Variants in MYLK4 observed in about 807,000 individuals in gnomAD.
MYLK4 encodes myosin light chain kinase family member 4.
In MYLK4, 46 loss-of-function variants were observed where a neutral mutation model predicts 48.1. That is an observed-to-expected ratio of 0.96 (90% CI 0.75 to 1.22). The LOEUF (loss-of-function observed/expected upper bound fraction) is 1.22, where lower values mean the gene tolerates loss of function less well. Ranked by LOEUF, MYLK4 falls within the 50% of genes most tolerant of loss-of-function variation. MYLK4 has a pLI of 0.00. For missense variants in MYLK4, 451 were observed against 486.1 expected, an observed-to-expected ratio of 0.93 and a Z score of 0.68; for synonymous variants, 170 against 180.8, an observed-to-expected ratio of 0.94 and a Z score of 0.48.
At chr6:2,680,194 C>T (rs371292621) in intron 8 of MYLK4, 27 bp downstream of exon 8, 86 of 1,612,552 alleles carry the variant, frequency 5.3e-5, no homozygotes, top group Admixed American at 1.8e-4. Flanking sequence ...CAGCTCCATT[C>T]GTACACCTAT....
chr6:2,676,290 T>G (rs564358902), intron 10 of MYLK4, among the ~76,000 whole-genome samples: 1 of 152,270 alleles, frequency 6.6e-6, no homozygotes, highest in African/African-American at 2.4e-5. Flanking sequence ...ATTACATCAA[T>G]GAACTTGGTG....
chr6:2,664,262 G>C lies in MYLK4; in HGVS notation c.*3663C>G, dbSNP rs1464585042. The stretch of plus-strand genomic sequence containing the variant: ...AAGAAGTAAAAAAATGTAAAAGAGA[G>C]TGCAAAAGCAAAGGCGAAGCTTTGT... On this transcript the variant is annotated 3_prime_UTR_variant, in exon 13 of 13. Transcript: ENST00000274643. 1.3e-5 allele frequency: 2 copies of C among 152,236 alleles called. No individual in the cohort carries two copies. Among genetic ancestry groups the C allele is most frequent in the Non-Finnish European group, 2.9e-5 (2 of 68,052 alleles). 9.4% of individuals were successfully genotyped at this position (152,236 alleles called of 1,614,324 possible).
At chr6:2,762,983 A>T in the MYLK4 span, among the ~76,000 whole-genome samples, 16 of 150,470 alleles carry the variant, frequency 1.1e-4, no homozygotes, top group Admixed American at 4.6e-4. Context: ...AAAAGAACAA[A>T]ACACCCACAC....
the MYLK4 span, chr6:2,765,855 C>T: frequency 6.3e-6 from 9 of 1,423,136 alleles, no homozygotes; most frequent in African/African-American, 1.5e-5. Flanking sequence ...TCGGAGAGCT[C>T]GGCGCTGAAG....
chr6:2,719,024 G>C (rs111856450), intron 2 of MYLK4, among the ~76,000 whole-genome samples: 1 of 152,186 alleles, frequency 6.6e-6, no homozygotes, highest in Non-Finnish European at 1.5e-5. Context: ...CCATCCCACT[G>C]ACATTACTTT....
chr6:2,674,555 A>ATT (rs1761011988), intron 11 of MYLK4, among the ~76,000 whole-genome samples: 2 of 152,352 alleles, frequency 1.3e-5, no homozygotes, highest in South Asian at 4.1e-4. Context: ...CAAATACATT[A>ATT]TTTTTAAAAT....
At chr6:2,753,452 T>C (rs971733895), upstream of MYLK4, among the ~76,000 whole-genome samples, 1 of 152,192 alleles carries the variant, frequency 6.6e-6, no homozygotes, top group Non-Finnish European at 1.5e-5. Context: ...CACATTACAA[T>C]AGAACTTCCT....
the MYLK4 span, among the ~76,000 whole-genome samples, chr6:2,766,892 T>TGTG: frequency 6.6e-6 from 1 of 152,232 alleles, no homozygotes; most frequent in Non-Finnish European, 1.5e-5. Flanking sequence ...TTAATTCTGT[T>TGTG]GTGCTTCCTT....
intron 2 of MYLK4, among the ~76,000 whole-genome samples, chr6:2,716,298 T>C (rs959624166): frequency 6.6e-6 from 1 of 152,224 alleles, no homozygotes; most frequent in Admixed American, 6.5e-5. Flanking sequence ...GTTTTCACTT[T>C]GTCAGAAGTT....
chr6:2,663,928 G>A lies in MYLK4; in HGVS notation c.*3997C>T, dbSNP rs1482340836. On this transcript the variant is annotated 3_prime_UTR_variant, in exon 13 of 13. Transcript: ENST00000274643. ...TCTGCTCTTCTGAATGGGTAGTAGT[G>A]GTTGAGTTATAAGCCTTCATGGAAG... The A allele has an allele frequency of 6.6e-6, 1 of 152,216 alleles. No individual in the cohort carries two copies. Among genetic ancestry groups the A allele is most frequent in the Non-Finnish European group, 1.5e-5 (1 of 68,038 alleles). 9.4% of individuals were successfully genotyped at this position (152,216 alleles called of 1,614,324 possible).
intron 2 of MYLK4, among the ~76,000 whole-genome samples, chr6:2,695,033 T>C (rs1206433490): frequency 6.6e-6 from 1 of 152,082 alleles, no homozygotes; most frequent in Non-Finnish European, 1.5e-5. Context: ...AAAAACAAAT[T>C]AGCAGAGTGA....
the MYLK4 span, chr6:2,765,636 G>A: frequency 1.2e-5 from 19 of 1,539,656 alleles, no homozygotes; most frequent in Non-Finnish European, 1.4e-5. Flanking sequence ...GAGGTGAGCG[G>A]GCCGGAAGAC....
chr6:2,765,936 C>T, the MYLK4 span: 9 of 1,448,938 alleles, frequency 6.2e-6, no homozygotes, highest in South Asian at 1.1e-4. Flanking sequence ...GGCGGCGAGA[C>T]CGAGAGCCGC....
the MYLK4 span, chr6:2,768,761 C>G: frequency 6.2e-7 from 1 of 1,613,804 alleles, no homozygotes; most frequent in Non-Finnish European, 8.5e-7. Context: ...TTATCTGCAA[C>G]AAATGCCAAG....
the MYLK4 span, chr6:2,769,006 C>A: frequency 1.1e-6 from 1 of 915,642 alleles, no homozygotes; most frequent in South Asian, 2.1e-5. Context: ...GGCTTGTGAA[C>A]CCATCTCCTT....
intron 2 of MYLK4, among the ~76,000 whole-genome samples, chr6:2,717,923 G>A (rs1266540063): frequency 1.3e-5 from 2 of 152,330 alleles, no homozygotes; most frequent in South Asian, 2.1e-4. Context: ...GCTCATGCCT[G>A]TAATCCCAGC....
the MYLK4 span, among the ~76,000 whole-genome samples, chr6:2,759,796 G>A: frequency 2.6e-5 from 4 of 152,206 alleles, no homozygotes; most frequent in African/African-American, 9.6e-5. Flanking sequence ...ATGTTAAGAA[G>A]ATAACTTTCT....
intron 2 of MYLK4, 72 bp from the exon 3 acceptor site, chr6:2,692,931 C>A: frequency 7.4e-7 from 1 of 1,357,856 alleles, no homozygotes; most frequent in Non-Finnish European, 1.0e-6. Flanking sequence ...ACTCCTGACA[C>A]TTGCGCTGGA....
At chr6:2,720,297 G>A (rs981471602) in intron 2 of MYLK4, among the ~76,000 whole-genome samples, 15 of 152,016 alleles carry the variant, frequency 9.9e-5, no homozygotes, top group African/African-American at 2.4e-4. Context: ...CCAGCTACTC[G>A]GGAGGCTGAG....
Sources: gnomAD v4.1 joint callset for allele counts (sites outside exome capture counted in the v4.1 genomes callset) on GRCh38, gnomAD v4.1.1 for gene constraint, MANE v1.5 for transcripts, NCBI Gene and HGNC (gene_info 2026-07-23, HGNC 2026-07-21) for gene names.